Variants in SMAP1 observed in about 807,000 individuals in gnomAD.
SMAP1 encodes the protein stromal membrane-associated protein 1.
A neutral mutation model predicts 58.5 loss-of-function variants in SMAP1; 24 were observed. That is an observed-to-expected ratio of 0.41 (90% CI 0.30 to 0.58). SMAP1 has a LOEUF of 0.58. SMAP1 is among the 20% of genes least tolerant of loss of function. The pLI, the probability that SMAP1 is intolerant of heterozygous loss-of-function variation, is 0.29. For missense variants in SMAP1, 563 were observed against 566.3 expected (o/e 0.99, Z 0.06); for synonymous variants, 216 against 196.6 (o/e 1.10, Z -0.82).
intron 4 of SMAP1, among the ~76,000 whole-genome samples, chr6:70,778,772 C>T (rs966747459): frequency 2.6e-5 from 4 of 152,192 alleles, no homozygotes; most frequent in Admixed American, 2.6e-4. Context: ...TTGGTGGCAG[C>T]AGCTCTGAGT....
At position 70,824,181 on chromosome 6, in the gene SMAP1, AGTTC is replaced by A. The variant is rs1027134941; in HGVS notation, c.577-12755_577-12752del. Among the ~76,000 whole-genome samples, 24 of 152,098 alleles carry A rather than the reference AGTTC, an allele frequency of 1.6e-4. 1 individual carries two copies. The highest frequency in any genetic ancestry group is 5.6e-4 in the African/African-American group (23 of 41,426). Reference sequence around the variant, plus strand: ...GCTTAAAAAGAGTTGTTTATTTTCCAGTTCGTTCAGCTTTTTACTCGTTAAAACA... The same window carrying A: ...GCTTAAAAAGAGTTGTTTATTTTCCAGTTCAGCTTTTTACTCGTTAAAACA... On this transcript the variant is annotated intron_variant, in intron 6 of 10. Coordinates refer to ENST00000370455, the MANE Select transcript of SMAP1 (RefSeq NM_001044305.3).
chr6:70,751,782 C>T (rs1008745806), intron 2 of SMAP1, among the ~76,000 whole-genome samples: 12 of 151,966 alleles, frequency 7.9e-5, no homozygotes, highest in Non-Finnish European at 1.5e-4. Flanking sequence ...ACTTAGGGTC[C>T]GTCTTGATTC....
At chr6:70,778,324 A>G (rs1321229676) in intron 4 of SMAP1, among the ~76,000 whole-genome samples, 1 of 152,158 alleles carries the variant, frequency 6.6e-6, no homozygotes, top group African/African-American at 2.4e-5. Context: ...TTCCCCATTC[A>G]TTATGATGTT....
intron 1 of SMAP1, among the ~76,000 whole-genome samples, chr6:70,721,492 A>G (rs1338397833): frequency 6.6e-6 from 1 of 152,156 alleles, no homozygotes; most frequent in Non-Finnish European, 1.5e-5. Flanking sequence ...GGAGGTTCCA[A>G]ACTTTCCCAC....
Position 70,760,477 on chromosome 6 carries a change from CTAATG to C in SMAP1, c.338+5417_338+5421del, listed in dbSNP as rs971611391. Among the ~76,000 whole-genome samples, 25 of 152,094 alleles carry C rather than the reference CTAATG, an allele frequency of 1.6e-4. 1 individual carries two copies. Among genetic ancestry groups the C allele is most frequent in the Admixed American group, 1.4e-3 (21 of 15,244 alleles). On this transcript the variant is annotated intron_variant, in intron 3 of 10. Coordinates refer to ENST00000370455, the MANE Select transcript of SMAP1 (RefSeq NM_001044305.3). ...TGGACCATGAGACTAGTCCCCATAT[CTAATG>C]TAATCTGTAGCCTTTAAAAAAATTA...
intron 1 of SMAP1, among the ~76,000 whole-genome samples, chr6:70,706,510 T>G (rs1767844285): frequency 6.6e-6 from 1 of 152,206 alleles, no homozygotes; most frequent in Non-Finnish European, 1.5e-5. Context: ...GATGATCTGG[T>G]AAACCATCAT....
intron 5 of SMAP1, among the ~76,000 whole-genome samples, chr6:70,793,644 TAGAGAGAGAG>T (rs70990334): frequency 5.7e-5 from 8 of 140,346 alleles, no homozygotes; most frequent in African/African-American, 1.1e-4. Context: ...GGAGAGTAGT[TAGAGAGAGAG>T]AGAGAGAGAG....
chr6:70,770,326 T>A (rs573392435), intron 3 of SMAP1, among the ~76,000 whole-genome samples: 1 of 152,330 alleles, frequency 6.6e-6, no homozygotes, highest in African/African-American at 2.4e-5. Flanking sequence ...TTCTCCTGGA[T>A]AATATCCTGC....
chr6:70,742,174 C>G (rs536996502), intron 2 of SMAP1, among the ~76,000 whole-genome samples: 1 of 152,192 alleles, frequency 6.6e-6, no homozygotes, highest in South Asian at 2.1e-4. Flanking sequence ...TTTCTGCAAC[C>G]GGGTTGAATT....
intron 6 of SMAP1, among the ~76,000 whole-genome samples, chr6:70,834,829 A>G (rs1770504306): frequency 6.6e-6 from 1 of 152,258 alleles, no homozygotes; most frequent in South Asian, 2.1e-4. Flanking sequence ...CCTTTTGCTA[A>G]GCAAGATAAG....
intron 6 of SMAP1, among the ~76,000 whole-genome samples, chr6:70,813,160 A>G (rs1052929759): frequency 2.0e-5 from 3 of 152,094 alleles, no homozygotes; most frequent in African/African-American, 7.2e-5. Flanking sequence ...ATGTTGTATT[A>G]TAAGCATTTA....
chr6:70,676,395 G>A (rs987959754), intron 1 of SMAP1, among the ~76,000 whole-genome samples: 7 of 152,178 alleles, frequency 4.6e-5, no homozygotes, highest in African/African-American at 1.7e-4. Context: ...ACAGTCTGGA[G>A]GAGCAAGGAT....
intron 1 of SMAP1, among the ~76,000 whole-genome samples, chr6:70,721,187 C>G (rs975319334): frequency 6.6e-6 from 1 of 152,146 alleles, no homozygotes; most frequent in Non-Finnish European, 1.5e-5. Context: ...CTTTTATGCT[C>G]TGCTTCCCTT....
At chr6:70,805,377 T>C (rs990333726) in intron 6 of SMAP1, among the ~76,000 whole-genome samples, 7 of 152,268 alleles carry the variant, frequency 4.6e-5, no homozygotes, top group Admixed American at 2.0e-4. Flanking sequence ...TTCTCTACAC[T>C]GTTTATTCTA....
chr6:70,816,500 C>G (rs1223316933), intron 6 of SMAP1, among the ~76,000 whole-genome samples: 2 of 152,138 alleles, frequency 1.3e-5, no homozygotes. Context: ...ATTAGCCTAA[C>G]CTGCTTCTCA....
intron 4 of SMAP1, among the ~76,000 whole-genome samples, chr6:70,784,346 A>T (rs1331731281): frequency 6.6e-6 from 1 of 152,108 alleles, no homozygotes; most frequent in Non-Finnish European, 1.5e-5. Flanking sequence ...CACTGCAAAA[A>T]CATGCCAAAT....
intron 1 of SMAP1, among the ~76,000 whole-genome samples, chr6:70,680,303 A>G (rs1413065050): frequency 2.6e-5 from 4 of 152,234 alleles, no homozygotes; most frequent in African/African-American, 7.2e-5. Flanking sequence ...ATAGGACACA[A>G]AATTATATTC....
At position 70,667,935 on chromosome 6, in the gene SMAP1, C is replaced by T. The variant is rs1392241323; in HGVS notation, c.-89C>T. 3 of 1,168,314 alleles carry T rather than the reference C, an allele frequency of 2.6e-6. No individual in the cohort carries two copies. Among genetic ancestry groups the T allele is most frequent in the African/African-American group, 1.6e-5 (1 of 61,698 alleles). 72.4% of individuals were successfully genotyped at this position (1,168,314 alleles called of 1,614,324 possible). On this transcript the variant is annotated 5_prime_UTR_variant, in exon 1 of 11. Transcript: ENST00000370455. ...CCTGGGCTGAGTCCGCCCGCGGTCC[C>T]GGCGGCGCCAGGTGCGTTCACTCTG...
At chr6:70,829,256 T>C (rs1770263308) in intron 6 of SMAP1, among the ~76,000 whole-genome samples, 1 of 151,974 alleles carries the variant, frequency 6.6e-6, no homozygotes. Flanking sequence ...TGTTTTTTTC[T>C]TTGTCTTCTT....
Sources: gnomAD v4.1 joint callset for allele counts (sites outside exome capture counted in the v4.1 genomes callset) on GRCh38, gnomAD v4.1.1 for gene constraint, MANE v1.5 for transcripts, NCBI Gene and HGNC (gene_info 2026-07-23, HGNC 2026-07-21) for gene names.